Variants in PRKN observed in about 807,000 individuals in gnomAD.
PRKN encodes the protein E3 ubiquitin-protein ligase parkin.
In PRKN, 56 loss-of-function variants were observed where a neutral mutation model predicts 59.5. That is an observed-to-expected ratio of 0.94 (90% CI 0.76 to 1.18). The LOEUF (loss-of-function observed/expected upper bound fraction) is 1.18, where lower values mean the gene tolerates loss of function less well. Ranked by LOEUF, PRKN falls within the 50% of genes most tolerant of loss-of-function variation. The pLI is 0.00. For synonymous variants in PRKN, 250 were observed against 222.1 expected, an observed-to-expected ratio of 1.13 and a Z score of -1.12; for missense variants, 657 against 596.4, an observed-to-expected ratio of 1.10 and a Z score of -1.06.
At position 161,401,012 on chromosome 6, in the gene PRKN, T is replaced by C. The variant is rs1420993627; in HGVS notation, c.1084-14135A>G. 6.6e-6 allele frequency among the ~76,000 whole-genome samples: 1 copy of C among 152,158 alleles called. No individual in the cohort carries two copies. Among genetic ancestry groups the C allele is most frequent in the East Asian group, 1.9e-4 (1 of 5,182 alleles). On this transcript the variant is annotated intron_variant, in intron 9 of 11. Transcript: ENST00000366898. This position sits in a 1 kb window ranked among gnomAD's most constrained non-coding sequence, Gnocchi z 4.4. Reference sequence around the variant, plus strand: ...AGAGTACACTGCAAACAAACATCTGTTTCTGATGGCTGCAGCACCATCCTT... The same window carrying C: ...AGAGTACACTGCAAACAAACATCTGCTTCTGATGGCTGCAGCACCATCCTT...
At chr6:162,299,278 A>G (rs983384097) in intron 2 of PRKN, among the ~76,000 whole-genome samples, 4 of 152,082 alleles carry the variant, frequency 2.6e-5, no homozygotes, top group Admixed American at 6.5e-5. Flanking sequence ...CAATGCCAGA[A>G]ACAGGGGCAG....
intron 1 of PRKN, among the ~76,000 whole-genome samples, chr6:162,623,313 G>C (rs543205396): frequency 2.1e-4 from 32 of 152,060 alleles, no homozygotes; most frequent in African/African-American, 7.2e-4. Context: ...TAATTTCAGA[G>C]AATTGATGAC....
rs376715462 is a variant in PRKN at position 161,578,184 on chromosome 6, T to C, written c.872-8768A>G. Among the ~76,000 whole-genome samples, 32 of 152,112 alleles carry C rather than the reference T, an allele frequency of 2.1e-4. No individual in the cohort carries two copies. The East Asian group carries it at 6.0e-3, about 29-fold the overall frequency. On this transcript the variant is annotated intron_variant, in intron 7 of 11. Coordinates refer to ENST00000366898, the MANE Select transcript of PRKN (RefSeq NM_004562.3). This position sits in a 1 kb window ranked among gnomAD's most constrained non-coding sequence, Gnocchi z 4.2. Reference sequence around the variant, plus strand: ...GCTTGGAATCAAAGAGGCCAAAGCCTGGAGTGTTTGAGGAATCCAAGCAGC... The same window carrying C: ...GCTTGGAATCAAAGAGGCCAAAGCCCGGAGTGTTTGAGGAATCCAAGCAGC...
rs535032714 is a variant in PRKN at position 162,200,464 on chromosome 6, C to T, written c.534+667G>A. 5.3e-5 allele frequency among the ~76,000 whole-genome samples: 8 copies of T among 152,270 alleles called. No individual in the cohort carries two copies. In the East Asian group the frequency reaches 5.8e-4, roughly 11 times the overall value. The stretch of plus-strand genomic sequence containing the variant: ...TACAGAAATGGGTGGGGCTGGCTCT[C>T]CATTAAACTTTATTTATGGACATGA... On this transcript the variant is annotated intron_variant, in intron 4 of 11. Transcript: ENST00000366898.
chr6:162,585,954 C>T (rs994876669), intron 1 of PRKN, among the ~76,000 whole-genome samples: 6 of 152,282 alleles, frequency 3.9e-5, no homozygotes, highest in East Asian at 1.9e-4. Context: ...ATCCACCCGC[C>T]TCGGCCTCCC....
At chr6:162,310,418 C>G (rs575069424) in intron 2 of PRKN, among the ~76,000 whole-genome samples, 39 of 152,236 alleles carry the variant, frequency 2.6e-4, no homozygotes, top group African/African-American at 8.9e-4. Context: ...CAGAGGATGC[C>G]AGATGCAGGG....
At chr6:162,545,362 T>C (rs1258926456) in intron 1 of PRKN, among the ~76,000 whole-genome samples, 2 of 152,154 alleles carry the variant, frequency 1.3e-5, no homozygotes, top group African/African-American at 4.8e-5. Context: ...GCTTAAGTTG[T>C]CAAGAAGAGA....
chr6:162,262,508 T>TA lies in PRKN; in HGVS notation c.412+16dup. The TA allele has an allele frequency of 6.2e-7, 1 of 1,613,986 alleles. No individual in the cohort carries two copies. The highest frequency in any genetic ancestry group is 8.5e-7 in the Non-Finnish European group (1 of 1,179,968). On this transcript the variant is annotated intron_variant, in intron 3 of 11. Coordinates refer to ENST00000366898, the MANE Select transcript of PRKN (RefSeq NM_004562.3). The stretch of plus-strand genomic sequence containing the variant: ...AACAAACAAAATGCTTTAATAATCT[T>TA]AGAGCATTCCAATTACCTGGACTTC...
At chr6:162,422,675 T>A (rs976339403) in intron 2 of PRKN, among the ~76,000 whole-genome samples, 69 of 152,200 alleles carry the variant, frequency 4.5e-4, no homozygotes, top group African/African-American at 1.6e-3. Flanking sequence ...CTGGGTGCAG[T>A]GGCTCACGCC....
intron 1 of PRKN, among the ~76,000 whole-genome samples, chr6:162,532,750 A>T (rs1275271438): frequency 1.3e-5 from 2 of 152,358 alleles, no homozygotes; most frequent in East Asian, 3.9e-4. Context: ...TCTTATCTGT[A>T]TCGGAAGCAA....
At chr6:162,301,489 C>T (rs1781949825) in intron 2 of PRKN, among the ~76,000 whole-genome samples, 1 of 152,114 alleles carries the variant, frequency 6.6e-6, no homozygotes, top group Non-Finnish European at 1.5e-5. Context: ...CACTGATTTT[C>T]TCGTGGCTCT....
At chr6:161,828,946 G>A (rs1045640436) in intron 6 of PRKN, among the ~76,000 whole-genome samples, 5 of 150,284 alleles carry the variant, frequency 3.3e-5, no homozygotes, top group African/African-American at 7.3e-5. Flanking sequence ...AAAAAAAAGA[G>A]CCGGTTGCGA....
chr6:162,500,434 A>T (rs541526200), intron 1 of PRKN, among the ~76,000 whole-genome samples: 2 of 152,154 alleles, frequency 1.3e-5, no homozygotes, highest in East Asian at 3.9e-4. Context: ...AGACTCCTAA[A>T]GTGCTGGGAT....
intron 5 of PRKN, among the ~76,000 whole-genome samples, chr6:162,030,302 A>G (rs1446867330): frequency 6.6e-6 from 1 of 152,184 alleles, no homozygotes. Context: ...TTATCTGCCC[A>G]TCTCCACTGA....
chr6:161,735,075 G>A (rs2128189620), intron 7 of PRKN, among the ~76,000 whole-genome samples: 1 of 151,014 alleles, frequency 6.6e-6, no homozygotes, highest in Admixed American at 6.6e-5. Context: ...CTTCCTGTTA[G>A]GTGTCTTCTC....
intron 9 of PRKN, among the ~76,000 whole-genome samples, chr6:161,477,281 G>A (rs1245227198): frequency 6.6e-6 from 1 of 152,160 alleles, no homozygotes; most frequent in Non-Finnish European, 1.5e-5. Context: ...ACTTTGGGAG[G>A]CCCAGGCGGG....
chr6:161,418,232 C>A (rs1787939326), intron 9 of PRKN, among the ~76,000 whole-genome samples: 1 of 152,196 alleles, frequency 6.6e-6, no homozygotes, highest in Admixed American at 6.5e-5. Context: ...CAGCCTCTGC[C>A]AATCTGTTTA....
Position 162,448,021 on chromosome 6 carries a change from C to T in PRKN, c.8-4548G>A, listed in dbSNP as rs545524029. The stretch of plus-strand genomic sequence containing the variant: ...TCATGTGATGCCTCAGACAGTTTTG[C>T]TGAGAGACCCAAAGAAAATCACAGC... On this transcript the variant is annotated intron_variant, in intron 1 of 11. Transcript: ENST00000366898. Among the ~76,000 whole-genome samples, 5 of 152,236 alleles carry T rather than the reference C, an allele frequency of 3.3e-5. No individual in the cohort carries two copies. In the East Asian group the frequency reaches 7.8e-4, roughly 24 times the overall value.
chr6:162,630,545 C>T (rs1237853326), intron 1 of PRKN, among the ~76,000 whole-genome samples: 1 of 152,138 alleles, frequency 6.6e-6, no homozygotes, highest in Non-Finnish European at 1.5e-5. Context: ...TGACTTCTAT[C>T]TAGTGAAGAA....
Sources: gnomAD v4.1 joint callset for allele counts (sites outside exome capture counted in the v4.1 genomes callset) on GRCh38, gnomAD v4.1.1 for gene constraint, Gnocchi (gnomAD v3.1) non-coding constraint, MANE v1.5 for transcripts, NCBI Gene and HGNC (gene_info 2026-07-23, HGNC 2026-07-21) for gene names.